Variants in ELAVL1 observed in about 807,000 individuals in gnomAD.
ELAVL1 encodes the protein ELAV like RNA binding protein 1.
ELAVL1 carries 1 observed loss-of-function variant against 28.4 expected under a neutral mutation model. That is an observed-to-expected ratio of 0.04 (90% CI 0.01 to 0.17). ELAVL1 has a LOEUF of 0.17. Among genes scored for constraint, ELAVL1 ranks in the 10% least tolerant of loss-of-function variants. The pLI is 1.00. For missense variants in ELAVL1, 157 were observed against 447.2 expected, an observed-to-expected ratio of 0.35 and a Z score of 5.85; for synonymous variants, 174 against 183.5, an observed-to-expected ratio of 0.95 and a Z score of 0.42.
At chr19:7,995,804 A>T (rs1985859580) in intron 1 of ELAVL1, among the ~76,000 whole-genome samples, 1 of 152,140 alleles carries the variant, frequency 6.6e-6, no homozygotes, top group Admixed American at 6.5e-5. Flanking sequence ...AAAAATGGAT[A>T]AACTGGATAT....
In ELAVL1 at chr19:7,959,687, G is replaced by C. The variant is rs996941960; in HGVS notation, c.*3796C>G. The C allele has an allele frequency of 4.6e-5, 7 of 152,200 alleles. No homozygotes were observed. Among genetic ancestry groups the C allele is most frequent in the Non-Finnish European group, 7.3e-5 (5 of 68,042 alleles). The allele number at this position is 152,200 out of a possible 1,614,324, so 9.4% of individuals were successfully genotyped here. A position where few individuals can be genotyped will look rare whatever the true frequency, so the allele number is the denominator to read the frequency against. On this transcript the variant is annotated 3_prime_UTR_variant, in exon 6 of 6. Coordinates refer to ENST00000407627, the MANE Select transcript of ELAVL1 (RefSeq NM_001419.3). Reference sequence around the variant, plus strand: ...AATGTGAACCCTGCCTGGGATCCGAGATTCAGATTCTACTGCCATCATTAC... The same window carrying C: ...AATGTGAACCCTGCCTGGGATCCGACATTCAGATTCTACTGCCATCATTAC...
At chr19:7,968,975 G>A (rs1228959339) in intron 4 of ELAVL1, among the ~76,000 whole-genome samples, 1 of 152,210 alleles carries the variant, frequency 6.6e-6, no homozygotes, top group Non-Finnish European at 1.5e-5. Flanking sequence ...TGACAGCTGA[G>A]AGGCCAGTCT....
intron 3 of ELAVL1, among the ~76,000 whole-genome samples, chr19:7,976,631 G>A (rs902290287): frequency 6.6e-6 from 1 of 152,088 alleles, no homozygotes; most frequent in Non-Finnish European, 1.5e-5. Flanking sequence ...CAACCCTGCT[G>A]ACACCTTGGT....
At chr19:7,996,181 C>A (rs949415984) in intron 1 of ELAVL1, among the ~76,000 whole-genome samples, 1 of 150,334 alleles carries the variant, frequency 6.7e-6, no homozygotes, top group East Asian at 2.0e-4. Context: ...CAACCCAGAA[C>A]CCTTTTTTTT....
At chr19:8,003,386 A>C (rs1465838931) in intron 1 of ELAVL1, among the ~76,000 whole-genome samples, 1 of 141,638 alleles carries the variant, frequency 7.1e-6, no homozygotes, top group African/African-American at 2.6e-5. Flanking sequence ...AAAAAGAAAA[A>C]AAAAAAAAAA....
intron 3 of ELAVL1, among the ~76,000 whole-genome samples, chr19:7,977,432 T>C (rs1488411768): frequency 6.6e-6 from 1 of 151,968 alleles, no homozygotes; most frequent in African/African-American, 2.4e-5. Context: ...AGAGGGCACG[T>C]GAGATACAGG....
intron 1 of ELAVL1, chr19:8,002,011 A>G: frequency 7.8e-7 from 1 of 1,282,166 alleles, no homozygotes; most frequent in South Asian, 1.2e-5. Context: ...CACCAGGGTG[A>G]GCAGTGAACT....
Position 7,981,497 on chromosome 19 carries a change from A to T in ELAVL1, c.173-311T>A, listed in dbSNP as rs1985462816. Among the ~76,000 whole-genome samples, 1 of 151,900 alleles carries T rather than the reference A, an allele frequency of 6.6e-6. No homozygotes were observed. The highest frequency in any genetic ancestry group is 2.4e-5 in the African/African-American group (1 of 41,322). On this transcript the variant is annotated intron_variant, in intron 2 of 5. Coordinates refer to ENST00000407627, the MANE Select transcript of ELAVL1 (RefSeq NM_001419.3). This position sits in a 1 kb window ranked among gnomAD's most constrained non-coding sequence, Gnocchi z 4.2. ...CTCAGCCTCCAGAGTATCTGGGACT[A>T]CAGGCCCGCTCCAGCAGGCCCAAGC...
At chr19:7,973,670 A>AC (rs1241117423) in intron 4 of ELAVL1, 55 bp downstream of exon 4, 1 of 1,574,776 alleles carries the variant, frequency 6.4e-7, no homozygotes, top group African/African-American at 1.4e-5. Flanking sequence ...TCCCTAGAAA[A>AC]CCCAGCCCCC....
chr19:7,980,504 G>C (rs1479024179), intron 3 of ELAVL1, among the ~76,000 whole-genome samples: 7 of 152,166 alleles, frequency 4.6e-5, no homozygotes, highest in African/African-American at 1.7e-4. Flanking sequence ...TGGAGGACCT[G>C]CAACTCATCC....
At chr19:7,964,559 G>C (rs1984903008) in intron 5 of ELAVL1, among the ~76,000 whole-genome samples, 1 of 152,148 alleles carries the variant, frequency 6.6e-6, no homozygotes, top group African/African-American at 2.4e-5. Context: ...TCTGGGCCAG[G>C]CATGGTGGCT....
At chr19:8,001,098 G>C (rs1447679672) in intron 1 of ELAVL1, among the ~76,000 whole-genome samples, 2 of 152,112 alleles carry the variant, frequency 1.3e-5, no homozygotes, top group Non-Finnish European at 2.9e-5. Flanking sequence ...TCCTCCACTG[G>C]GGATGTCACC....
intron 1 of ELAVL1, among the ~76,000 whole-genome samples, chr19:7,994,869 C>T (rs1326310412): frequency 1.3e-5 from 2 of 152,144 alleles, no homozygotes; most frequent in African/African-American, 2.4e-5. Context: ...CAGGGAGGAT[C>T]GCTTGAGCCC....
rs75603868 is a variant in ELAVL1 at position 7,998,391 on chromosome 19, C to T, written c.-16-6560G>A. 9.3e-3 allele frequency among the ~76,000 whole-genome samples: 1,414 copies of T among 152,306 alleles called. 13 individuals carry two copies. The highest frequency in any genetic ancestry group is 0.014 in the Non-Finnish European group (946 of 68,026). ...GTGGTCACCACCCATTGAGGCTCGG[C>T]GGTCACACGATGATGCTCACGGTCA... On this transcript the variant is annotated intron_variant, in intron 1 of 5. Transcript: ENST00000407627.
intron 1 of ELAVL1, among the ~76,000 whole-genome samples, chr19:8,003,564 C>T (rs1352073433): frequency 6.6e-6 from 1 of 150,806 alleles, no homozygotes; most frequent in African/African-American, 2.4e-5. Context: ...TGGTAGCCGG[C>T]GCCTGTAGTC....
rs531362258 is a variant in ELAVL1, at chr19:7,990,404, T to C, written c.172+1240A>G. On this transcript the variant is annotated intron_variant, in intron 2 of 5. Transcript: ENST00000407627. ...GGCTAAAGTGTAGAAGACACTTTAG[T>C]ACCAAGTGGTACTTGGTAAGGTGCA... Among the ~76,000 whole-genome samples, 49 of 151,160 alleles carry C rather than the reference T, an allele frequency of 3.2e-4. 1 individual carries two copies. The South Asian group carries it at 0.01, about 31-fold the overall frequency.
At chr19:7,978,159 C>A (rs1416311670) in intron 3 of ELAVL1, among the ~76,000 whole-genome samples, 1 of 152,232 alleles carries the variant, frequency 6.6e-6, no homozygotes, top group African/African-American at 2.4e-5. Flanking sequence ...TTGGCCCTAG[C>A]CCGTATTGTC....
rs559432675 is a variant in ELAVL1 at position 7,960,282 on chromosome 19, CAG to C, written c.*3199_*3200del. ...GGGTCTCCAGGACTAAGGCCAAGCGCAGACTCTCAGAGGTTAAGGCAGCTGCC... is the reference window on the plus strand; with the variant it reads ...GGGTCTCCAGGACTAAGGCCAAGCGCACTCTCAGAGGTTAAGGCAGCTGCC... On this transcript the variant is annotated 3_prime_UTR_variant, in exon 6 of 6. Transcript: ENST00000407627. 2.1e-3 allele frequency: 319 copies of C among 152,326 alleles called. 1 individual carries two copies. The highest frequency in any genetic ancestry group is 7.5e-3 in the African/African-American group (310 of 41,558). 9.4% of individuals were successfully genotyped at this position (152,326 alleles called of 1,614,324 possible). A position where few individuals can be genotyped will look rare whatever the true frequency, so the allele number is the denominator to read the frequency against.
intron 2 of ELAVL1, among the ~76,000 whole-genome samples, chr19:7,986,980 T>C (rs578053074): frequency 1.1e-4 from 17 of 152,226 alleles, no homozygotes; most frequent in Admixed American, 3.3e-4. Flanking sequence ...TAAGTTTTTT[T>C]TTCTGTGAGG....
Sources: gnomAD v4.1 joint callset for allele counts (sites outside exome capture counted in the v4.1 genomes callset) on GRCh38, gnomAD v4.1.1 for gene constraint, Gnocchi (gnomAD v3.1) non-coding constraint, MANE v1.5 for transcripts, NCBI Gene and HGNC (gene_info 2026-07-23, HGNC 2026-07-21) for gene names.